The following SERGEF variants were observed in gnomAD, a reference collection of about 807,000 sequenced individuals.
SERGEF encodes the protein secretion regulating guanine nucleotide exchange factor.
A neutral mutation model predicts 50.0 loss-of-function variants in SERGEF; 51 were observed. The ratio of observed to expected loss-of-function variants is 1.02; its 90% CI spans 0.81 to 1.29. The LOEUF (loss-of-function observed/expected upper bound fraction) is 1.29, where lower values mean the gene tolerates loss of function less well. Ranked by LOEUF, SERGEF falls within the 50% of genes most tolerant of loss-of-function variation. SERGEF has a pLI of 0.00. For synonymous variants in SERGEF, 205 were observed against 212.4 expected, an observed-to-expected ratio of 0.97 and a Z score of 0.30; for missense variants, 521 against 557.0, an observed-to-expected ratio of 0.94 and a Z score of 0.65.
At chr11:17,929,831 G>T (rs1297831919) in intron 9 of SERGEF, among the ~76,000 whole-genome samples, 2 of 152,160 alleles carry the variant, frequency 1.3e-5, no homozygotes, top group Non-Finnish European at 2.9e-5. Flanking sequence ...GATTAGGCTT[G>T]TCTGCTCTAT....
intron 9 of SERGEF, among the ~76,000 whole-genome samples, chr11:17,957,095 CCA>C (rs1852891105): frequency 6.6e-6 from 1 of 152,154 alleles, no homozygotes. Flanking sequence ...CTCCAGCACC[CCA>C]GAGACTGGAG....
At chr11:17,841,302 C>T (rs542120030) in intron 10 of SERGEF, among the ~76,000 whole-genome samples, 2 of 152,330 alleles carry the variant, frequency 1.3e-5, no homozygotes, top group African/African-American at 4.8e-5. Context: ...ATCTTCCTCT[C>T]CAAACCTGTT....
chr11:18,007,107 C>CA (rs1222935523), intron 2 of SERGEF, among the ~76,000 whole-genome samples: 7 of 152,316 alleles, frequency 4.6e-5, no homozygotes, highest in African/African-American at 1.7e-4. Context: ...CTAGGGCCCA[C>CA]AATGCTTTCA....
intron 10 of SERGEF, among the ~76,000 whole-genome samples, chr11:17,846,969 C>T (rs1442505516): frequency 1.3e-5 from 2 of 152,164 alleles, no homozygotes; most frequent in African/African-American, 2.4e-5. Flanking sequence ...CCCCTAGTGG[C>T]TCCACAGTAA....
chr11:17,938,190 G>T (rs1852492241), intron 9 of SERGEF, among the ~76,000 whole-genome samples: 1 of 152,208 alleles, frequency 6.6e-6, no homozygotes, highest in African/African-American at 2.4e-5. Context: ...TCACTTTGCA[G>T]CTGTGGTCCC....
intron 5 of SERGEF, 58 bp downstream of exon 5, chr11:18,000,439 A>G: frequency 8.6e-7 from 1 of 1,168,734 alleles, no homozygotes; most frequent in Non-Finnish European, 1.2e-6. Context: ...ACAGAGTGAG[A>G]CCCCATCTCT....
chr11:17,830,714 G>A (rs1323902705), intron 10 of SERGEF, among the ~76,000 whole-genome samples: 1 of 149,564 alleles, frequency 6.7e-6, no homozygotes, highest in East Asian at 2.0e-4. Context: ...GAGTAAGTCA[G>A]GATGAACCGA....
At chr11:17,797,156 T>C (rs1849585469) in intron 10 of SERGEF, among the ~76,000 whole-genome samples, 1 of 152,234 alleles carries the variant, frequency 6.6e-6, no homozygotes, top group Admixed American at 6.5e-5. Flanking sequence ...TGTTTCCCTG[T>C]ATGTTCTATT....
intron 8 of SERGEF, among the ~76,000 whole-genome samples, chr11:17,975,732 A>G (rs1853357384): frequency 6.6e-6 from 1 of 151,764 alleles, no homozygotes; most frequent in Admixed American, 6.6e-5. Context: ...ACACACCTCC[A>G]CTCCTCACAG....
chr11:17,890,024 A>AC (rs1259431743), intron 9 of SERGEF, among the ~76,000 whole-genome samples: 1 of 132,610 alleles, frequency 7.5e-6, no homozygotes, highest in Non-Finnish European at 1.6e-5. Flanking sequence ...TTACACTTCA[A>AC]CCAAAAAAAA....
At chr11:18,010,773 G>A (rs993093214) in intron 1 of SERGEF, among the ~76,000 whole-genome samples, 2 of 152,180 alleles carry the variant, frequency 1.3e-5, no homozygotes, top group African/African-American at 2.4e-5. Context: ...ATCTGAAACT[G>A]TGCTGGCCCA....
At chr11:17,856,776 T>C (rs1222844985) in intron 10 of SERGEF, 2 of 152,258 alleles carry the variant, frequency 1.3e-5, no homozygotes, top group African/African-American at 4.8e-5. Context: ...ACTGTTATTA[T>C]GGTTCAATAA....
chr11:17,807,753 G>T (rs1205595726), intron 10 of SERGEF, among the ~76,000 whole-genome samples: 2 of 152,174 alleles, frequency 1.3e-5, no homozygotes, highest in African/African-American at 2.4e-5. Flanking sequence ...GGCCTACAGG[G>T]TGGCATGATC....
chr11:17,975,050 T>C (rs1269468494), intron 8 of SERGEF, among the ~76,000 whole-genome samples: 1 of 152,194 alleles, frequency 6.6e-6, no homozygotes, highest in Non-Finnish European at 1.5e-5. Context: ...AGTAGTACTA[T>C]TGATGGCTCC....
intron 8 of SERGEF, among the ~76,000 whole-genome samples, chr11:17,971,422 A>G (rs1008882547): frequency 6.6e-6 from 1 of 152,222 alleles, no homozygotes; most frequent in African/African-American, 2.4e-5. Flanking sequence ...GGTGAAGCCA[A>G]TTCTCATTCA....
At position 17,980,651 on chromosome 11, in the gene SERGEF, C is replaced by T. The variant is rs566678910; in HGVS notation, c.844+7946G>A. ...ATCATTCTTTTCACTTACTATACCA[C>T]GAGCGTATTCCTGTCATTAAATATC... On this transcript the variant is annotated intron_variant, in intron 8 of 10. Coordinates refer to ENST00000265965, the MANE Select transcript of SERGEF (RefSeq NM_012139.4). 3.9e-5 allele frequency among the ~76,000 whole-genome samples: 6 copies of T among 152,264 alleles called. No homozygotes were observed. The East Asian group carries it at 5.8e-4, about 15-fold the overall frequency.
At chr11:17,825,659 A>C (rs1008517936) in intron 10 of SERGEF, among the ~76,000 whole-genome samples, 1 of 152,194 alleles carries the variant, frequency 6.6e-6, no homozygotes, top group Non-Finnish European at 1.5e-5. Context: ...GTTTGCACAC[A>C]TGCTTTTGGT....
chr11:17,789,157 G>C (rs1849437366), intron 10 of SERGEF, among the ~76,000 whole-genome samples: 1 of 152,184 alleles, frequency 6.6e-6, no homozygotes, highest in South Asian at 2.1e-4. Context: ...ACCTCTTCAT[G>C]TTTTCCATTC....
chr11:17,818,766 GA>G (rs1319307745), intron 10 of SERGEF, among the ~76,000 whole-genome samples: 1 of 152,166 alleles, frequency 6.6e-6, no homozygotes. Flanking sequence ...TGCCTAAGGT[GA>G]TCTTAAACTC....
Sources: gnomAD v4.1 joint callset for allele counts (sites outside exome capture counted in the v4.1 genomes callset) on GRCh38, gnomAD v4.1.1 for gene constraint, MANE v1.5 for transcripts, NCBI Gene and HGNC (gene_info 2026-07-23, HGNC 2026-07-21) for gene names.